Variants in SLC6A15 observed in about 807,000 individuals in gnomAD.
The protein encoded by SLC6A15 is solute carrier family 6 member 15.
A neutral mutation model predicts 68.5 loss-of-function variants in SLC6A15; 33 were observed. That is an observed-to-expected ratio of 0.48 (90% CI 0.37 to 0.64). The LOEUF (loss-of-function observed/expected upper bound fraction) is 0.64. SLC6A15 is among the 30% of genes least tolerant of loss of function. SLC6A15 has a pLI of 0.00. For missense variants in SLC6A15, 747 were observed against 874.3 expected (o/e 0.85, Z 1.84); for synonymous variants, 347 against 301.0 (o/e 1.15, Z -1.58).
intron 9 of SLC6A15, among the ~76,000 whole-genome samples, chr12:84,868,474 T>G (rs1871153721): frequency 6.6e-6 from 1 of 152,192 alleles, no homozygotes; most frequent in African/African-American, 2.4e-5. Flanking sequence ...CTCAACAGCC[T>G]GTGTCACTTT....
chr12:84,893,417 T>C (rs1872510754), intron 1 of SLC6A15, among the ~76,000 whole-genome samples: 1 of 152,146 alleles, frequency 6.6e-6, no homozygotes, highest in Non-Finnish European at 1.5e-5. Flanking sequence ...TTTGGGATTT[T>C]TTTTTTCCTT....
At chr12:84,883,048 G>C (rs188819839) in intron 5 of SLC6A15, 3 of 984,200 alleles carry the variant, frequency 3.0e-6, no homozygotes, top group Admixed American at 6.2e-5. Flanking sequence ...AAGGAAAATA[G>C]CACAGCTGGA....
intron 5 of SLC6A15, among the ~76,000 whole-genome samples, chr12:84,877,172 A>C (rs1295046092): frequency 1.3e-5 from 2 of 152,206 alleles, no homozygotes; most frequent in Non-Finnish European, 2.9e-5. Flanking sequence ...TGTGCTACTC[A>C]GACATTCACT....
At chr12:84,888,255 C>A (rs1872212883) in intron 2 of SLC6A15, among the ~76,000 whole-genome samples, 2 of 126,090 alleles carry the variant, frequency 1.6e-5, no homozygotes, top group African/African-American at 3.4e-5. Flanking sequence ...CAGAGTGAGA[C>A]CTTGTCGAAA....
At chr12:84,900,731 A>C (rs1872822975) in intron 1 of SLC6A15, among the ~76,000 whole-genome samples, 1 of 151,582 alleles carries the variant, frequency 6.6e-6, no homozygotes, top group Non-Finnish European at 1.5e-5. Context: ...ATTCATATGG[A>C]GTATCACATT....
rs962693574 is a variant in SLC6A15 at position 84,870,369 on chromosome 12, C to T, written c.1495+109G>A. On this transcript the variant is annotated intron_variant, in intron 9 of 11. Transcript: ENST00000266682. ...TACAATAATAAATAGTGATAATAGA[C>T]ATTAATAAAACTCAAAATATAAGAC... 5.3e-5 allele frequency: 27 copies of T among 511,430 alleles called. No individual in the cohort carries two copies. In the South Asian group the frequency reaches 7.1e-4, roughly 14 times the overall value. 31.7% of individuals were successfully genotyped at this position (511,430 alleles called of 1,614,324 possible). A position where few individuals can be genotyped will look rare whatever the true frequency, so the allele number is the denominator to read the frequency against.
chr12:84,886,619 A>G (rs1872116135), intron 2 of SLC6A15, among the ~76,000 whole-genome samples: 1 of 151,604 alleles, frequency 6.6e-6, no homozygotes, highest in African/African-American at 2.4e-5. Flanking sequence ...CATAACTTCT[A>G]CCAGAGACAA....
chr12:84,912,438 G>A (rs925698716), intron 1 of SLC6A15, 85 bp downstream of exon 1: 1 of 152,642 alleles, frequency 6.6e-6, no homozygotes, highest in African/African-American at 2.4e-5. Context: ...TTCGTTCCCG[G>A]TGCTGGTGCC....
intron 1 of SLC6A15, among the ~76,000 whole-genome samples, chr12:84,900,052 T>C (rs1219959459): frequency 2.0e-5 from 3 of 152,098 alleles, no homozygotes; most frequent in African/African-American, 7.2e-5. Context: ...TTGAATTACA[T>C]TGATTTCATT....
At position 84,859,557 on chromosome 12, in the gene SLC6A15, A is replaced by C. The variant is rs1250032036; in HGVS notation, c.*2075T>G. ...TATACATCAAAACAGCATGTTGTAC[A>C]CCTTAGATGTATACTTTTTTTTTTA... On this transcript the variant is annotated 3_prime_UTR_variant, in exon 12 of 12. Coordinates refer to ENST00000266682, the MANE Select transcript of SLC6A15 (RefSeq NM_182767.6). 2 of 151,814 alleles carry C rather than the reference A, an allele frequency of 1.3e-5. No homozygotes were observed. The highest frequency in any genetic ancestry group is 3.9e-4 in the East Asian group (2 of 5,162). 9.4% of individuals were successfully genotyped at this position (151,814 alleles called of 1,614,324 possible). A position where few individuals can be genotyped will look rare whatever the true frequency, so the allele number is the denominator to read the frequency against.
intron 2 of SLC6A15, among the ~76,000 whole-genome samples, chr12:84,890,841 A>T (rs948447958): frequency 2.6e-5 from 4 of 152,208 alleles, no homozygotes; most frequent in African/African-American, 9.6e-5. Context: ...AAATTATCAC[A>T]AACTAGAATC....
At chr12:84,874,108 C>G in intron 6 of SLC6A15, among the ~76,000 whole-genome samples, 1 of 152,114 alleles carries the variant, frequency 6.6e-6, no homozygotes, top group African/African-American at 2.4e-5. Context: ...TTTAAATTGG[C>G]ATTTTATCTC....
chr12:84,910,806 C>G (rs569783816), intron 1 of SLC6A15, among the ~76,000 whole-genome samples: 1 of 152,136 alleles, frequency 6.6e-6, no homozygotes, highest in South Asian at 2.1e-4. Context: ...CCCTTCTGCC[C>G]GTACCTATAA....
chr12:84,872,008 A>C (rs980935210), intron 8 of SLC6A15, among the ~76,000 whole-genome samples: 1 of 152,052 alleles, frequency 6.6e-6, no homozygotes, highest in Non-Finnish European at 1.5e-5. Context: ...AATTACAAAA[A>C]TTAGCCAGGT....
rs1400240350 is a variant in SLC6A15, at chr12:84,872,687, A to G, written c.1217T>C (p.Val406Ala). Residue 406 changes from valine (V) to alanine (A), a missense_variant, in exon 8 of 12, where the codon GTT becomes GCT. Physicochemically the swap from Val to Ala is moderately conservative, Grantham distance 64 (BLOSUM62 0). Coordinates refer to ENST00000266682, the MANE Select transcript of SLC6A15 (RefSeq NM_182767.6). The part of the protein sequence containing the change: ...STVTAEDYHL[V>A]YDIIQKVKEE... ...TTTCACTTTTTGAATGATGTCATAA[A>G]CTAAATGATAATCTTCTGCAGTAAC... The G allele has an allele frequency of 6.2e-7, 1 of 1,613,006 alleles. No homozygotes were observed. Among genetic ancestry groups the G allele is most frequent in the Admixed American group, 1.7e-5 (1 of 60,002 alleles).
intron 2 of SLC6A15, among the ~76,000 whole-genome samples, chr12:84,890,153 A>G (rs551348469): frequency 1.3e-5 from 2 of 152,324 alleles, no homozygotes; most frequent in South Asian, 4.1e-4. Context: ...GTATTTTATA[A>G]TATGTACACT....
intron 6 of SLC6A15, among the ~76,000 whole-genome samples, chr12:84,874,272 C>T (rs2120583545): frequency 6.6e-6 from 1 of 152,262 alleles, no homozygotes; most frequent in Admixed American, 6.5e-5. Context: ...CTCTGAGTTT[C>T]AGCTTCTTCA....
At chr12:84,905,807 T>A (rs1198193671) in intron 1 of SLC6A15, among the ~76,000 whole-genome samples, 2 of 152,168 alleles carry the variant, frequency 1.3e-5, no homozygotes, top group East Asian at 3.9e-4. Context: ...AATTTATGTA[T>A]AAGTCACATA....
intron 5 of SLC6A15, 186 bp downstream of exon 5, chr12:84,883,673 A>C: frequency 6.6e-7 from 1 of 1,514,428 alleles, no homozygotes; most frequent in Non-Finnish European, 8.9e-7. Flanking sequence ...ACTATAAAAC[A>C]CTGTTTTTAT....
Sources: gnomAD v4.1 joint callset for allele counts (sites outside exome capture counted in the v4.1 genomes callset) on GRCh38, gnomAD v4.1.1 for gene constraint, MANE v1.5 for transcripts, NCBI Gene and HGNC (gene_info 2026-07-23, HGNC 2026-07-21) for gene names.